Variants in IQCM observed in about 807,000 individuals in gnomAD.
IQCM encodes IQ motif containing M.
Under a neutral mutation model 57.6 loss-of-function variants are expected in IQCM, and 45 were observed. The ratio of observed to expected loss-of-function variants is 0.78; its 90% CI spans 0.62 to 1.00. IQCM has a LOEUF of 1.00. Ranked by LOEUF, IQCM falls within the 50% of genes least tolerant of loss-of-function variation. The probability of loss-of-function intolerance (pLI) is 0.00; values close to 1 mark genes in which losing one functional copy is unlikely to be tolerated. For missense variants in IQCM, 468 were observed against 511.6 expected (o/e 0.91, Z 0.82); for synonymous variants, 148 against 158.9 (o/e 0.93, Z 0.51).
intron 2 of IQCM, among the ~76,000 whole-genome samples, chr4:149,797,396 A>T (rs898234556): frequency 3.8e-4 from 58 of 152,104 alleles, no homozygotes; most frequent in Non-Finnish European, 5.6e-4. Flanking sequence ...AAAAAGAAGA[A>T]AAAATGAAGC....
intron 2 of IQCM, among the ~76,000 whole-genome samples, chr4:149,794,326 T>C (rs905538152): frequency 1.3e-5 from 2 of 152,224 alleles, no homozygotes; most frequent in African/African-American, 2.4e-5. Flanking sequence ...CTAAATAATT[T>C]GAATAATTTT....
chr4:149,684,344 T>A (rs909379973), intron 6 of IQCM, among the ~76,000 whole-genome samples: 12 of 151,360 alleles, frequency 7.9e-5, no homozygotes, highest in Middle Eastern at 6.3e-3. Context: ...ATTCATGTTT[T>A]GCTCAAGGAA....
chr4:149,538,118 A>G (rs1445734243), intron 12 of IQCM, among the ~76,000 whole-genome samples: 1 of 151,552 alleles, frequency 6.6e-6, no homozygotes, highest in Non-Finnish European at 1.5e-5. Context: ...AGTATAAAAG[A>G]TATCTGCAAA....
chr4:149,476,781 A>C (rs1368978650), intron 12 of IQCM, among the ~76,000 whole-genome samples: 1 of 152,116 alleles, frequency 6.6e-6, no homozygotes, highest in Non-Finnish European at 1.5e-5. Flanking sequence ...AGGTATAGGA[A>C]AATGCACACT....
chr4:149,663,960 T>C (rs1760458553), intron 7 of IQCM, among the ~76,000 whole-genome samples: 1 of 152,138 alleles, frequency 6.6e-6, no homozygotes, highest in South Asian at 2.1e-4. Context: ...ATAATGCAAA[T>C]ATTAGTTCAC....
Position 149,750,730 on chromosome 4 carries a change from AAG to A in IQCM, c.-48-7993_-48-7992del, listed in dbSNP as rs1768356740. 2.6e-5 allele frequency among the ~76,000 whole-genome samples: 4 copies of A among 152,232 alleles called. No individual in the cohort carries two copies. The South Asian group carries it at 8.3e-4, about 32-fold the overall frequency. Reference sequence around the variant, plus strand: ...CATTAACATTTTATAAATAACAATAAAGAGAGAAAATTTATAAAGCATTCCCC... The same window carrying A: ...CATTAACATTTTATAAATAACAATAAAGAGAAAATTTATAAAGCATTCCCC... On this transcript the variant is annotated intron_variant, in intron 2 of 13. Transcript: ENST00000636793.
intron 2 of IQCM, among the ~76,000 whole-genome samples, chr4:149,815,050 C>T (rs1774924017): frequency 6.6e-6 from 1 of 151,934 alleles, no homozygotes; most frequent in African/African-American, 2.4e-5. Context: ...TAAGAGGCTT[C>T]TCAAATAAGT....
intron 2 of IQCM, among the ~76,000 whole-genome samples, chr4:149,760,255 T>C (rs1769378850): frequency 6.6e-6 from 1 of 152,000 alleles, no homozygotes; most frequent in African/African-American, 2.4e-5. Flanking sequence ...AAGAAGAGCA[T>C]GAAATATACC....
chr4:149,389,413 G>A (rs1731680600), intron 13 of IQCM, among the ~76,000 whole-genome samples: 1 of 151,824 alleles, frequency 6.6e-6, no homozygotes, highest in South Asian at 2.1e-4. Context: ...GCACACGTAT[G>A]TTTATTGCGG....
chr4:149,365,859 G>C (rs1428762846), intron 13 of IQCM, among the ~76,000 whole-genome samples: 1 of 152,106 alleles, frequency 6.6e-6, no homozygotes, highest in East Asian at 1.9e-4. Flanking sequence ...AGCCTAATAA[G>C]ACATGACAAG....
intron 2 of IQCM, among the ~76,000 whole-genome samples, chr4:149,768,385 C>G (rs181985306): frequency 1.8e-4 from 28 of 152,114 alleles, no homozygotes; most frequent in Admixed American, 1.0e-3. Context: ...ATGAACCATC[C>G]AATTTTCTAT....
At chr4:149,432,999 T>C (rs546802781) in intron 13 of IQCM, among the ~76,000 whole-genome samples, 2 of 151,994 alleles carry the variant, frequency 1.3e-5, no homozygotes, top group African/African-American at 4.8e-5. Context: ...GTGGAACAAA[T>C]GCAACTCTCA....
chr4:149,515,805 C>G (rs187971039), intron 12 of IQCM, among the ~76,000 whole-genome samples: 132 of 152,248 alleles, frequency 8.7e-4, no homozygotes, highest in African/African-American at 3.1e-3. Flanking sequence ...AAAAGCATGA[C>G]TAGAAAACTG....
intron 2 of IQCM, among the ~76,000 whole-genome samples, chr4:149,789,763 A>G (rs903911718): frequency 1.7e-4 from 26 of 151,992 alleles, no homozygotes; most frequent in Non-Finnish European, 1.5e-5. Context: ...ATTGCTGAGC[A>G]TGGTGTTACA....
chr4:149,476,128 A>G (rs1205803828), intron 12 of IQCM, among the ~76,000 whole-genome samples: 2 of 152,178 alleles, frequency 1.3e-5, no homozygotes, highest in Admixed American at 6.6e-5. Flanking sequence ...GGCCTTAAGA[A>G]GGAAAGATAG....
At chr4:149,801,550 C>A (rs983267646) in intron 2 of IQCM, among the ~76,000 whole-genome samples, 1 of 151,938 alleles carries the variant, frequency 6.6e-6, no homozygotes, top group Non-Finnish European at 1.5e-5. Flanking sequence ...CAATGGAGTA[C>A]TATTCATCCA....
At chr4:149,398,383 C>A (rs1339893381) in intron 13 of IQCM, among the ~76,000 whole-genome samples, 9 of 151,614 alleles carry the variant, frequency 5.9e-5, no homozygotes, top group African/African-American at 1.9e-4. Flanking sequence ...GAATTTTTTT[C>A]TTTTTCTGTG....
At chr4:149,718,199 G>C (rs188725110) in intron 5 of IQCM, among the ~76,000 whole-genome samples, 2 of 152,244 alleles carry the variant, frequency 1.3e-5, no homozygotes, top group East Asian at 1.9e-4. Flanking sequence ...ATAAACATTT[G>C]ATCTTCATTT....
At chr4:149,486,687 A>G (rs1379417124) in intron 12 of IQCM, among the ~76,000 whole-genome samples, 2 of 152,188 alleles carry the variant, frequency 1.3e-5, no homozygotes, top group Non-Finnish European at 2.9e-5. Flanking sequence ...TGGAGGTTGC[A>G]GTGAGCCAAG....
Sources: gnomAD v4.1 joint callset for allele counts (sites outside exome capture counted in the v4.1 genomes callset) on GRCh38, gnomAD v4.1.1 for gene constraint, MANE v1.5 for transcripts, NCBI Gene and HGNC (gene_info 2026-07-23, HGNC 2026-07-21) for gene names.